Variants in TPO observed in about 807,000 individuals in gnomAD.
The protein encoded by TPO is thyroid peroxidase, also known as thyroid microsomal antigen.
TPO carries 78 observed loss-of-function variants against 96.9 expected under a neutral mutation model. That is an observed-to-expected ratio of 0.81 (90% CI 0.67 to 0.97). The LOEUF (loss-of-function observed/expected upper bound fraction) is 0.97, where lower values mean the gene tolerates loss of function less well. TPO is among the 50% of genes least tolerant of loss of function. TPO has a pLI of 0.00. For missense variants in TPO, 1,252 were observed against 1,274.8 expected, an observed-to-expected ratio of 0.98 and a Z score of 0.27; for synonymous variants, 547 against 538.0, an observed-to-expected ratio of 1.02 and a Z score of -0.23.
Position 1,437,176 on chromosome 2 carries a change from C to T in TPO, c.482+792C>T, listed in dbSNP as rs113366891. Among the ~76,000 whole-genome samples, 445 of 152,218 alleles carry T rather than the reference C, an allele frequency of 2.9e-3. 5 individuals carry two copies. Among genetic ancestry groups the T allele is most frequent in the African/African-American group, 9.0e-3 (372 of 41,510 alleles). ...GTAGAGAAGAGGGCTTTGCAAAGGC[C>T]GGAAAGAGCAAGATGCGTTTGGGCT... On this transcript the variant is annotated intron_variant, in intron 5 of 16. Transcript: ENST00000329066.
chr2:1,455,954 C>T (rs1667745410), intron 6 of TPO, 122 bp from the exon 7 acceptor site: 1 of 993,276 alleles, frequency 1.0e-6, no homozygotes, highest in East Asian at 2.6e-5. Flanking sequence ...GCACAGATCT[C>T]CTAGGGGCAC....
intron 1 of TPO, among the ~76,000 whole-genome samples, chr2:1,406,413 G>T (rs1187585794): frequency 6.6e-6 from 1 of 152,196 alleles, no homozygotes; most frequent in Admixed American, 6.5e-5. Flanking sequence ...AAGACACAAA[G>T]AACTTAGCTT....
At chr2:1,439,082 C>A (rs1270505007) in intron 5 of TPO, 10 of 493,928 alleles carry the variant, frequency 2.0e-5, no homozygotes, top group Non-Finnish European at 2.9e-5. Context: ...TACATTTTAA[C>A]AACCTCAAGA....
At chr2:1,429,221 T>C (rs1041527408) in intron 3 of TPO, among the ~76,000 whole-genome samples, 2 of 152,144 alleles carry the variant, frequency 1.3e-5, no homozygotes, top group African/African-American at 2.4e-5. Flanking sequence ...TCTACTCTCC[T>C]GCTCCTGCTC....
rs1248209479 is a variant in TPO at position 1,531,249 on chromosome 2, T to A, written c.2619-9345T>A. 7.5e-3 allele frequency among the ~76,000 whole-genome samples: 704 copies of A among 94,008 alleles called. 1 individual carries two copies. Among genetic ancestry groups the A allele is most frequent in the African/African-American group, 9.9e-3 (229 of 23,118 alleles). The allele number at this position is 94,008 out of a possible 152,430, so 61.7% of individuals were successfully genotyped here. On this transcript the variant is annotated intron_variant, in intron 15 of 16. Transcript: ENST00000329066. ...CCCCACTGTGTGCAACCGCCTCATA[T>A]TCCCCCCACTGTGTGGACCCTTCTC...
At chr2:1,484,450 G>A (rs1670931095) in intron 8 of TPO, 146 bp from the exon 9 acceptor site, 4 of 1,004,226 alleles carry the variant, frequency 4.0e-6, no homozygotes, top group African/African-American at 3.3e-5. Context: ...GGCATTTCTG[G>A]GAAGTTCAGC....
chr2:1,540,666 A>T lies in TPO; in HGVS notation c.2691A>T (p.Gly897=), dbSNP rs199796122. The T allele has an allele frequency of 1.9e-5, 30 of 1,613,486 alleles. No homozygotes were observed. In the East Asian group the frequency reaches 2.2e-4, roughly 12 times the overall value. Residue 897 remains glycine, a synonymous_variant, in exon 16 of 17, where the codon GGA becomes GGT. Coordinates refer to ENST00000329066, the MANE Select transcript of TPO (RefSeq NM_001206744.2). Reference sequence around the variant, plus strand: ...GAGGAACTCCCGAGCTGAGATGCGGAAAGCACCAGGCCGTAGGGACCTCAC... The same window carrying T: ...GAGGAACTCCCGAGCTGAGATGCGGTAAGCACCAGGCCGTAGGGACCTCAC... ...TGGGTPELRC[G]KHQAVGTSPQ...
Position 1,379,210 on chromosome 2 carries a change from C to T in TPO, n.180+4808C>T, listed in dbSNP as rs528624288. ...GTCCCAGCTACTCAGGAAACTGAGG[C>T]AGGAGAATCGCTTGAACCCAGGAGG... On this transcript the variant is annotated intron_variant and non_coding_transcript_variant, in intron 1 of 5. Coordinates refer to the TPO transcript ENST00000497517. Among the ~76,000 whole-genome samples the T allele has an allele frequency of 5.9e-5, 9 of 152,194 alleles. No homozygotes were observed. The South Asian group carries it at 1.5e-3, about 25-fold the overall frequency.
At chr2:1,506,121 G>A (rs1171432116) in intron 14 of TPO, among the ~76,000 whole-genome samples, 3 of 151,802 alleles carry the variant, frequency 2.0e-5, no homozygotes, top group African/African-American at 7.3e-5. Context: ...TCACCTATGA[G>A]TGAGAACATG....
chr2:1,406,523 C>T (rs1662253082), intron 1 of TPO, among the ~76,000 whole-genome samples: 2 of 152,232 alleles, frequency 1.3e-5, no homozygotes, highest in Admixed American at 1.3e-4. Flanking sequence ...CTTGCAGCCC[C>T]CATCACCCCT....
At chr2:1,476,912 C>A (rs997974507) in intron 7 of TPO, among the ~76,000 whole-genome samples, 174 bp from the exon 8 acceptor site, 62 of 151,792 alleles carry the variant, frequency 4.1e-4, no homozygotes, top group African/African-American at 1.5e-3. Flanking sequence ...AAGAGACCAC[C>A]GGTAAGCAGG....
At chr2:1,431,028 T>TGAG (rs1440487164) in intron 3 of TPO, among the ~76,000 whole-genome samples, 1 of 152,164 alleles carries the variant, frequency 6.6e-6, no homozygotes, top group East Asian at 1.9e-4. Context: ...TTTTGGAATG[T>TGAG]GAGAAAGGTG....
chr2:1,387,122 T>C (rs1472668556), intron 1 of TPO, among the ~76,000 whole-genome samples: 1 of 152,206 alleles, frequency 6.6e-6, no homozygotes, highest in Non-Finnish European at 1.5e-5. Context: ...TAACCCGACC[T>C]TTCTCTCTGG....
upstream of TPO, among the ~76,000 whole-genome samples, chr2:1,410,735 G>A (rs1470423603): frequency 2.0e-5 from 3 of 152,090 alleles, no homozygotes; most frequent in Admixed American, 2.0e-4. Flanking sequence ...GCAGGGCCCT[G>A]CATTCCCCCA....
intron 8 of TPO, among the ~76,000 whole-genome samples, chr2:1,482,011 T>G (rs1670692006): frequency 6.6e-6 from 1 of 152,112 alleles, no homozygotes; most frequent in African/African-American, 2.4e-5. Context: ...CTGCTCAGCC[T>G]CCTCCCTGGA....
chr2:1,470,259 C>T (rs999041926), intron 7 of TPO, among the ~76,000 whole-genome samples: 25 of 152,020 alleles, frequency 1.6e-4, no homozygotes, highest in African/African-American at 6.0e-4. Context: ...TTACTTGAGC[C>T]AAAATGAGAA....
chr2:1,386,902 G>C (rs201970957), intron 1 of TPO, among the ~76,000 whole-genome samples: 2 of 152,130 alleles, frequency 1.3e-5, no homozygotes, highest in Admixed American at 6.5e-5. Context: ...TTTAGGGCAG[G>C]CCTGGTGGTG....
intron 7 of TPO, among the ~76,000 whole-genome samples, chr2:1,474,607 C>A (rs931071966): frequency 2.4e-4 from 37 of 152,194 alleles, no homozygotes; most frequent in Non-Finnish European, 4.4e-5. Context: ...TCTCTTCCAT[C>A]CTCATTGTCC....
At chr2:1,375,021 A>C (rs933652256) in intron 1 of TPO, among the ~76,000 whole-genome samples, 3 of 152,004 alleles carry the variant, frequency 2.0e-5, no homozygotes, top group African/African-American at 7.2e-5. Flanking sequence ...GAACCACTGC[A>C]CCCGACCATA....
Sources: gnomAD v4.1 joint callset for allele counts (sites outside exome capture counted in the v4.1 genomes callset) on GRCh38, gnomAD v4.1.1 for gene constraint, MANE v1.5 for transcripts, NCBI Gene and HGNC (gene_info 2026-07-23, HGNC 2026-07-21) for gene names.